The following SWT1 variants were observed in gnomAD, a reference collection of about 807,000 sequenced individuals.
SWT1 encodes SWT1 RNA endoribonuclease homolog.
Under a neutral mutation model 107.3 loss-of-function variants are expected in SWT1, and 33 were observed. That is an observed-to-expected ratio of 0.31 (90% CI 0.23 to 0.41). SWT1 has a LOEUF of 0.41. SWT1 is among the 10% of genes least tolerant of loss of function. The pLI is 1.00. For synonymous variants in SWT1, 345 were observed against 348.3 expected (o/e 0.99, Z 0.11); for missense variants, 898 against 1,028.9 (o/e 0.87, Z 1.74).
intron 14 of SWT1, among the ~76,000 whole-genome samples, chr1:185,220,913 C>A (rs1659605396): frequency 6.6e-6 from 1 of 152,204 alleles, no homozygotes; most frequent in African/African-American, 2.4e-5. Flanking sequence ...GTATTTCCAT[C>A]AATTCCTGTA....
intron 18 of SWT1, among the ~76,000 whole-genome samples, chr1:185,278,794 AAGGT>A (rs1664422750): frequency 6.6e-6 from 1 of 152,222 alleles, no homozygotes; most frequent in Non-Finnish European, 1.5e-5. Context: ...CATTTTTAAA[AAGGT>A]AGGAACTTAA....
At chr1:185,220,677 A>T (rs900081328) in intron 14 of SWT1, among the ~76,000 whole-genome samples, 1 of 152,200 alleles carries the variant, frequency 6.6e-6, no homozygotes, top group East Asian at 1.9e-4. Flanking sequence ...CATATACCTA[A>T]AAAACAAACA....
At chr1:185,214,392 T>A in intron 13 of SWT1, 115 bp from the exon 14 acceptor site, 1 of 660,360 alleles carries the variant, frequency 1.5e-6, no homozygotes. Context: ...GAGTGGCATA[T>A]AGGTATAAAT....
intron 16 of SWT1, chr1:185,264,212 A>T: frequency 3.2e-6 from 1 of 315,936 alleles, no homozygotes; most frequent in Non-Finnish European, 4.6e-6. Context: ...AACCTTATTT[A>T]CAATAATCAA....
intron 4 of SWT1, among the ~76,000 whole-genome samples, chr1:185,170,685 G>A (rs991426769): frequency 2.6e-5 from 4 of 152,168 alleles, no homozygotes; most frequent in African/African-American, 9.7e-5. Flanking sequence ...ATTCTTGTAC[G>A]CATTTACTTA....
intron 4 of SWT1, among the ~76,000 whole-genome samples, chr1:185,172,511 C>T (rs2102336551): frequency 6.6e-6 from 1 of 152,130 alleles, no homozygotes; most frequent in African/African-American, 2.4e-5. Context: ...TATAAGTAAT[C>T]CTGAATTAAA....
At chr1:185,257,734 CG>C (rs1662706544) in intron 16 of SWT1, among the ~76,000 whole-genome samples, 2 of 152,230 alleles carry the variant, frequency 1.3e-5, no homozygotes, top group Non-Finnish European at 1.5e-5. Context: ...CAGAAATCAC[CG>C]CCTTCTGCGT....
chr1:185,196,676 A>G (rs1657418553), intron 10 of SWT1, among the ~76,000 whole-genome samples: 1 of 152,034 alleles, frequency 6.6e-6, no homozygotes. Context: ...AGTGGTTTGT[A>G]GTTCTTCTTA....
chr1:185,222,194 C>A (rs956437693), intron 15 of SWT1, among the ~76,000 whole-genome samples, 158 bp downstream of exon 15: 4 of 151,496 alleles, frequency 2.6e-5, no homozygotes, highest in Non-Finnish European at 4.4e-5. Context: ...ATACCTCATG[C>A]ATTTTAAGTG....
chr1:185,256,601 G>A (rs552747585), intron 16 of SWT1, among the ~76,000 whole-genome samples: 60 of 142,910 alleles, frequency 4.2e-4, no homozygotes, highest in African/African-American at 1.6e-3. Context: ...CATTCTTCAC[G>A]TAGTTCTCGA....
intron 16 of SWT1, among the ~76,000 whole-genome samples, chr1:185,242,896 T>A (rs1489736102): frequency 6.6e-6 from 1 of 152,188 alleles, no homozygotes; most frequent in Non-Finnish European, 1.5e-5. Flanking sequence ...GTCAGTGATG[T>A]TAAACACCAG....
In SWT1 at chr1:185,242,367, A is replaced by G. The variant is rs117823221; in HGVS notation, c.2441+10659A>G. 5.6e-3 allele frequency among the ~76,000 whole-genome samples: 850 copies of G among 152,302 alleles called. 35 individuals are homozygous for G. In the East Asian group the frequency reaches 0.094, roughly 17 times the overall value. ...CCTGGGTCTGTATGTTACTGAAGAT[A>G]ATACATCACTATGACTTAATTTTTA... On this transcript the variant is annotated intron_variant, in intron 16 of 18. Coordinates refer to ENST00000367500, the MANE Select transcript of SWT1 (RefSeq NM_017673.7).
chr1:185,221,380 C>G (rs371505552), intron 14 of SWT1, among the ~76,000 whole-genome samples: 4 of 152,068 alleles, frequency 2.6e-5, no homozygotes, highest in South Asian at 4.1e-4. Flanking sequence ...ATATCACTGC[C>G]TAAGTTAGAA....
intron 16 of SWT1, among the ~76,000 whole-genome samples, chr1:185,233,285 C>T (rs1482310644): frequency 2.6e-5 from 4 of 152,106 alleles, no homozygotes; most frequent in African/African-American, 7.2e-5. Flanking sequence ...AAGGGCTTTT[C>T]GTGTCTCTGT....
At chr1:185,283,108 G>A (rs767048479) in intron 18 of SWT1, among the ~76,000 whole-genome samples, 1 of 152,104 alleles carries the variant, frequency 6.6e-6, no homozygotes, top group Non-Finnish European at 1.5e-5. Flanking sequence ...CATGGAGTTG[G>A]GTATGCCACC....
At chr1:185,232,912 T>G (rs968782660) in intron 16 of SWT1, among the ~76,000 whole-genome samples, 9 of 152,158 alleles carry the variant, frequency 5.9e-5, no homozygotes, top group African/African-American at 2.2e-4. Flanking sequence ...GTCTGGGGTG[T>G]GCCTGGCAAT....
chr1:185,246,868 A>T (rs553971115), intron 16 of SWT1, among the ~76,000 whole-genome samples: 1 of 152,006 alleles, frequency 6.6e-6, no homozygotes, highest in Non-Finnish European at 1.5e-5. Context: ...GGCTCAAGTG[A>T]TCTTCCCACC....
At position 185,181,952 on chromosome 1, in the gene SWT1, A is replaced by G. The variant is rs1350360745; in HGVS notation, c.1033A>G (p.Ile345Val). 6.2e-7 allele frequency: 1 copy of G among 1,613,876 alleles called. No homozygotes were observed. The highest frequency in any genetic ancestry group is 1.7e-5 in the Admixed American group (1 of 60,006). Residue 345 changes from isoleucine to valine, a missense_variant, in exon 7 of 19, where the codon ATA (isoleucine) becomes GTA (valine). This residue lies in a region of SWT1 where 94 missense variants were observed against 114.5 expected (regional missense o/e 0.82). Coordinates refer to ENST00000367500, the MANE Select transcript of SWT1 (RefSeq NM_017673.7). ...SIQDADQEMQ[I>V]VEELHAARVG... ...GGGGTCTTTTACACTTTAGATGCAG[A>G]TAGTAGAAGAGCTTCATGCTGCACG...
At chr1:185,222,436 A>G (rs1659727508) in intron 15 of SWT1, among the ~76,000 whole-genome samples, 1 of 152,032 alleles carries the variant, frequency 6.6e-6, no homozygotes, top group Admixed American at 6.6e-5. Flanking sequence ...TCATCAGCTC[A>G]TGCATTTATC....
Sources: gnomAD v4.1 joint callset for allele counts (sites outside exome capture counted in the v4.1 genomes callset) on GRCh38, gnomAD v4.1.1 for gene constraint, gnomAD v4.1.1 regional missense constraint, MANE v1.5 for transcripts, NCBI Gene and HGNC (gene_info 2026-07-23, HGNC 2026-07-21) for gene names.